PAPPA2: variants seen among roughly 807,000 people sequenced by gnomAD.
PAPPA2 encodes pappalysin-2.
In PAPPA2, 86 loss-of-function variants were observed where a neutral mutation model predicts 176.4. The ratio of observed to expected loss-of-function variants is 0.49; its 90% CI spans 0.41 to 0.58. PAPPA2 has a LOEUF of 0.58. Ranked by LOEUF, PAPPA2 falls within the 20% of genes least tolerant of loss-of-function variation. The pLI, the probability that PAPPA2 is intolerant of heterozygous loss-of-function variation, is 0.00. For synonymous variants in PAPPA2, 809 were observed against 852.2 expected (o/e 0.95, Z 0.88); for missense variants, 2,073 against 2,256.9 (o/e 0.92, Z 1.65).
In PAPPA2 at chr1:176,594,547, A is replaced by G. The variant is rs201840196; in HGVS notation, c.943A>G (p.Thr315Ala). ...AGGTGTGTTTGATAACTGCTCCCAC[A>G]CTGTCAGTGACAAAGGCTGGGCCCT... ...IAGVFDNCSH[T>A]VSDKGWALGI... Residue 315 changes from threonine (T) to alanine (A), a missense_variant, in exon 3 of 23, where the codon ACT becomes GCT. Coordinates refer to ENST00000367662, the MANE Select transcript of PAPPA2 (RefSeq NM_020318.3). The G allele has an allele frequency of 1.8e-4, 296 of 1,613,890 alleles. No homozygotes were observed. Among genetic ancestry groups the G allele is most frequent in the Non-Finnish European group, 2.2e-4 (265 of 1,179,950 alleles).
At position 176,739,681 on chromosome 1, in the gene PAPPA2, A is replaced by T; in HGVS notation, c.3854A>T (p.Asp1285Val). ...GCAATTTTTATTTTTTTGACAACTG[A>T]TGGCCTAGTTCCCGGAGAGCATCAG... is the stretch of plus-strand genomic sequence containing the variant. ...ARAIFIFLTT[D>V]GLVPGEHQQP... is the part of the protein sequence containing the mutation. The change falls in exon 13 of 23, where the codon GAT (aspartate) becomes GTT (valine). Residue 1285 changes from aspartate (D) to valine (V), a missense_variant. Transcript: ENST00000367662. 1 of 1,613,626 alleles carries T rather than the reference A, an allele frequency of 6.2e-7. No individual in the cohort carries two copies.
At chr1:176,697,308 C>G (rs1046621082) in intron 7 of PAPPA2, among the ~76,000 whole-genome samples, 2 of 152,096 alleles carry the variant, frequency 1.3e-5, no homozygotes, top group African/African-American at 4.8e-5. Flanking sequence ...TTCCAAGGAC[C>G]TTTATGCTGC....
chr1:176,713,058 A>G (rs186315461), intron 12 of PAPPA2, among the ~76,000 whole-genome samples: 4 of 152,248 alleles, frequency 2.6e-5, no homozygotes, highest in East Asian at 3.9e-4. Flanking sequence ...TCATAATTAT[A>G]TGCATATTAA....
chr1:176,723,431 A>G (rs1465852817), intron 12 of PAPPA2, among the ~76,000 whole-genome samples: 1 of 152,094 alleles, frequency 6.6e-6, no homozygotes, highest in Non-Finnish European at 1.5e-5. Context: ...ACAAATCAAT[A>G]CAACACCAAA....
Position 176,711,951 on chromosome 1 carries a change from C to G in PAPPA2, c.3768C>G (p.Ser1256Arg), listed in dbSNP as rs373167458. 1 of 1,613,020 alleles carries G rather than the reference C, an allele frequency of 6.2e-7. No individual in the cohort carries two copies. The highest frequency in any genetic ancestry group is 1.1e-5 in the South Asian group (1 of 91,018). Reference protein sequence around the residue: ...QDDRSEQPEGSLKKEDEVWLK... With the variant: ...QDDRSEQPEGRLKKEDEVWLK... ...ACAGGAGTGAACAGCCAGAAGGTAG[C>G]CTGAAGAAAGAGGATGAGGTTTGGC... The change falls in exon 12 of 23, where the codon AGC becomes AGG. Residue 1256 changes from serine to arginine, a missense_variant. Coordinates refer to ENST00000367662, the MANE Select transcript of PAPPA2 (RefSeq NM_020318.3).
intron 14 of PAPPA2, among the ~76,000 whole-genome samples, chr1:176,750,520 G>T (rs1031453576): frequency 5.7e-4 from 86 of 152,138 alleles, no homozygotes; most frequent in African/African-American, 2.1e-3. Context: ...CAGGAGAATT[G>T]CTTGAACCCG....
intron 2 of PAPPA2, among the ~76,000 whole-genome samples, chr1:176,564,525 T>C (rs1651848201): frequency 6.6e-6 from 1 of 152,150 alleles, no homozygotes; most frequent in East Asian, 1.9e-4. Context: ...TTTTCCACCA[T>C]CCTTTTGTGC....
chr1:176,711,767 A>G, intron 11 of PAPPA2, 68 bp from the exon 12 acceptor site: 1 of 1,496,998 alleles, frequency 6.7e-7, no homozygotes, highest in Non-Finnish European at 9.2e-7. Flanking sequence ...TGAGCTGGAG[A>G]GTTTCATTGT....
At chr1:176,504,385 A>G (rs944367075) in intron 1 of PAPPA2, among the ~76,000 whole-genome samples, 4 of 152,146 alleles carry the variant, frequency 2.6e-5, no homozygotes, top group Non-Finnish European at 2.9e-5. Flanking sequence ...GCAGATATAT[A>G]AATATATTCT....
chr1:176,742,270 T>C lies in PAPPA2; in HGVS notation c.4151+2074T>C, dbSNP rs190695840. On this transcript the variant is annotated intron_variant, in intron 14 of 22. Transcript: ENST00000367662. ...TGTTTTGGATGACAGTTGCCGACTT[T>C]ATCTCTAAATGCTCCATGAACAGAA... Among the ~76,000 whole-genome samples, 53 of 152,200 alleles carry C rather than the reference T, an allele frequency of 3.5e-4. No homozygotes were observed. The East Asian group carries it at 9.7e-3, about 28-fold the overall frequency.
At chr1:176,645,348 G>A (rs1657339790) in intron 3 of PAPPA2, among the ~76,000 whole-genome samples, 1 of 151,642 alleles carries the variant, frequency 6.6e-6, no homozygotes, top group African/African-American at 2.4e-5. Flanking sequence ...TGCAATATTT[G>A]TCTTTTTGTG....
chr1:176,472,181 A>G (rs1224855450), intron 1 of PAPPA2, among the ~76,000 whole-genome samples: 2 of 152,190 alleles, frequency 1.3e-5, no homozygotes, highest in Non-Finnish European at 2.9e-5. Context: ...TCATATAGGA[A>G]AGGCCAATAA....
chr1:176,830,797 C>G (rs911081758), intron 21 of PAPPA2, among the ~76,000 whole-genome samples: 2 of 152,176 alleles, frequency 1.3e-5, no homozygotes, highest in South Asian at 2.1e-4. Flanking sequence ...TAGGAGCCCA[C>G]GGCACAGACT....
At position 176,782,657 on chromosome 1, in the gene PAPPA2, T is replaced by A. The variant is rs565953750; in HGVS notation, c.4716-7152T>A. ...GGTGAAGTGTATTAAGGAAGGTGAA[T>A]GTGGCATTGAATAAAGTTGGAGAAA... On this transcript the variant is annotated intron_variant, in intron 17 of 22. Transcript: ENST00000367662. Among the ~76,000 whole-genome samples, 15 of 152,234 alleles carry A rather than the reference T, an allele frequency of 9.9e-5. No individual in the cohort carries two copies. In the East Asian group the frequency reaches 2.7e-3, roughly 27 times the overall value.
chr1:176,665,363 C>G (rs572803751), intron 3 of PAPPA2, among the ~76,000 whole-genome samples: 28 of 152,248 alleles, frequency 1.8e-4, no homozygotes, highest in African/African-American at 6.7e-4. Context: ...TCTGTGGACA[C>G]TCAGCATTTC....
chr1:176,828,145 G>A (rs974729942), intron 21 of PAPPA2, among the ~76,000 whole-genome samples: 4 of 152,116 alleles, frequency 2.6e-5, no homozygotes, highest in South Asian at 2.1e-4. Flanking sequence ...TGGCTCTATC[G>A]TCAGACACAT....
chr1:176,476,598 A>G (rs566929531), intron 1 of PAPPA2, among the ~76,000 whole-genome samples: 51 of 152,334 alleles, frequency 3.3e-4, no homozygotes, highest in African/African-American at 1.2e-3. Context: ...TGGCCCACTA[A>G]TACAATTGCT....
At position 176,670,966 on chromosome 1, in the gene PAPPA2, C is replaced by G. The variant is rs774208505; in HGVS notation, c.1992-4C>G. On this transcript the variant is annotated splice_polypyrimidine_tract_variant and splice_region_variant and intron_variant, in intron 3 of 22. Coordinates refer to ENST00000367662, the MANE Select transcript of PAPPA2 (RefSeq NM_020318.3). ...GACATTTTTTCATCTTGCATGCTCT[C>G]TAGGGCATACATGAGTGTGAAGGAG... 11 of 1,613,646 alleles carry G rather than the reference C, an allele frequency of 6.8e-6. No individual in the cohort carries two copies. Among genetic ancestry groups the G allele is most frequent in the Non-Finnish European group, 9.3e-6 (11 of 1,179,728 alleles).
intron 2 of PAPPA2, among the ~76,000 whole-genome samples, chr1:176,557,586 T>C (rs1220343419): frequency 1.3e-5 from 2 of 152,196 alleles, no homozygotes; most frequent in Non-Finnish European, 2.9e-5. Flanking sequence ...TCACACTCCA[T>C]TTCCGGTAGA....
Sources: allele counts gnomAD v4.1 joint callset (sites outside exome capture counted in the v4.1 genomes callset), GRCh38; gene constraint gnomAD v4.1.1; transcripts MANE v1.5; gene names NCBI Gene and HGNC (gene_info 2026-07-23, HGNC 2026-07-21).